Variants in CEP152 observed in about 807,000 individuals in gnomAD.
CEP152 encodes the protein centrosomal protein 152.
CEP152 carries 132 observed loss-of-function variants against 188.9 expected under a neutral mutation model. The observed-to-expected ratio is 0.70, with a 90% CI of 0.61 to 0.81. The LOEUF is 0.81. Among genes scored for constraint, CEP152 ranks in the 30% least tolerant of loss-of-function variants. The pLI, the probability that CEP152 is intolerant of heterozygous loss-of-function variation, is 0.00. For missense variants in CEP152, 1,914 were observed against 1,969.8 expected, an observed-to-expected ratio of 0.97 and a Z score of 0.54; for synonymous variants, 649 against 666.6, an observed-to-expected ratio of 0.97 and a Z score of 0.41.
chr15:48,797,514 T>C lies in CEP152; in HGVS notation c.327A>G (p.Arg109=). The change falls in exon 5 of 27, where the codon AGA becomes AGG. Residue 109 remains arginine, a synonymous_variant. Transcript: ENST00000380950. ...EKCGNVWEEN[R]SKTEDRHPVY... ...CAGGATGTCGGTCTTCAGTTTTACTTCTATTTTCTTCCCAGACATTACCAC... is the reference window on the plus strand; with the variant it reads ...CAGGATGTCGGTCTTCAGTTTTACTCCTATTTTCTTCCCAGACATTACCAC... 1 of 1,614,150 alleles carries C rather than the reference T, an allele frequency of 6.2e-7. No homozygotes were observed. Among genetic ancestry groups the C allele is most frequent in the Middle Eastern group, 1.6e-4 (1 of 6,062 alleles).
At chr15:48,744,793 A>G in intron 23 of CEP152, 103 bp downstream of exon 23, 4 of 1,076,060 alleles carry the variant, frequency 3.7e-6, no homozygotes, top group Non-Finnish European at 5.3e-6. Context: ...CTTCTTTTTT[A>G]TACTTTTTGC....
rs887012257 is a variant in CEP152, at chr15:48,811,028, C to G, written c.-75G>C. 6.6e-6 allele frequency: 1 copy of G among 152,394 alleles called. No homozygotes were observed. Among genetic ancestry groups the G allele is most frequent in the African/African-American group, 2.4e-5 (1 of 41,482 alleles). 9.4% of individuals were successfully genotyped at this position (152,394 alleles called of 1,614,324 possible). Reference sequence around the variant, plus strand: ...GGCGGAAGACCAACTTCTAGCAGATCCCCTTACCCTGGCTCTAGTCCACTA... The same window carrying G: ...GGCGGAAGACCAACTTCTAGCAGATGCCCTTACCCTGGCTCTAGTCCACTA... On this transcript the variant is annotated 5_prime_UTR_variant, in exon 1 of 27. Transcript: ENST00000380950.
At position 48,781,379 on chromosome 15, in the gene CEP152, A is replaced by G. The variant is rs1896231716; in HGVS notation, c.1414-20T>C. On this transcript the variant is annotated intron_variant, in intron 11 of 26. Coordinates refer to ENST00000380950, the MANE Select transcript of CEP152 (RefSeq NM_001194998.2). The stretch of plus-strand genomic sequence containing the variant: ...TTCTTCCTACAACACAAAATTATTA[A>G]AAATAATTTTCACTATTTTCCTATA... 6.4e-7 allele frequency: 1 copy of G among 1,557,908 alleles called. No homozygotes were observed. Among genetic ancestry groups the G allele is most frequent in the South Asian group, 1.1e-5 (1 of 89,136 alleles).
chr15:48,794,893 G>T (rs1897198727), intron 6 of CEP152, among the ~76,000 whole-genome samples: 1 of 152,110 alleles, frequency 6.6e-6, no homozygotes, highest in African/African-American at 2.4e-5. Context: ...TGAATTCTGG[G>T]CCTCCCCCTG....
At chr15:48,805,756 G>A (rs1199980283) in intron 1 of CEP152, 100 bp from the exon 2 acceptor site, 2 of 1,504,234 alleles carry the variant, frequency 1.3e-6, no homozygotes, top group African/African-American at 1.4e-5. Flanking sequence ...TGAAAAGACA[G>A]AAACAGACTG....
chr15:48,765,285 T>C (rs1178624936), intron 17 of CEP152, among the ~76,000 whole-genome samples: 1 of 152,294 alleles, frequency 6.6e-6, no homozygotes. Context: ...CTGACAAAAC[T>C]ATAAACGTGT....
rs200733310 is a variant in CEP152, at chr15:48,756,422, G to T, written c.2826C>A (p.Asn942Lys). 6.2e-6 allele frequency: 10 copies of T among 1,613,372 alleles called. No homozygotes were observed. The African/African-American group carries it at 6.7e-5, about 11-fold the overall frequency. ...HSLQKELELK[N>K]EEVPVVIRAE... ...CCCTGATGACCACAGGGACTTCTTCGTTCTTTAACTCAAGTTCCTTCTGAA... is the reference window on the plus strand; with the variant it reads ...CCCTGATGACCACAGGGACTTCTTCTTTCTTTAACTCAAGTTCCTTCTGAA... The change falls in exon 20 of 27, where the codon AAC becomes AAA. Residue 942 changes from asparagine to lysine, a missense_variant. Asn to Lys is a moderately conservative substitution (Grantham distance 94, BLOSUM62 0). Coordinates refer to ENST00000380950, the MANE Select transcript of CEP152 (RefSeq NM_001194998.2).
intron 15 of CEP152, 63 bp downstream of exon 15, chr15:48,768,156 G>A (rs1895260690): frequency 3.3e-6 from 3 of 920,266 alleles, no homozygotes; most frequent in Admixed American, 1.7e-5. Flanking sequence ...CACAGGGAAG[G>A]GCAGGGACTT....
At chr15:48,781,752 G>A (rs1197742909) in intron 11 of CEP152, among the ~76,000 whole-genome samples, 3 of 152,102 alleles carry the variant, frequency 2.0e-5, no homozygotes, top group Non-Finnish European at 2.9e-5. Flanking sequence ...AGGTAATAAT[G>A]GAACTCTTCT....
intron 11 of CEP152, among the ~76,000 whole-genome samples, chr15:48,781,914 G>A (rs1490379794): frequency 6.6e-6 from 1 of 152,160 alleles, no homozygotes; most frequent in Non-Finnish European, 1.5e-5. Context: ...CTTGAAGGAG[G>A]TGGCAGGCAA....
rs376905337 is a variant in CEP152, at chr15:48,738,926, C to A, written c.4456G>T (p.Gly1486Cys). The change falls in exon 27 of 27, where the codon GGT becomes TGT. Residue 1486 changes from glycine (G) to cysteine (C), a missense_variant. By Grantham distance (159) the Gly-to-Cys change is radical. Transcript: ENST00000380950. Reference sequence around the variant, plus strand: ...GCTGAATGCGGAAGTGATTCAGAACCATTATCACTGAGTAGGTCTTTCTTC... The same window carrying A: ...GCTGAATGCGGAAGTGATTCAGAACAATTATCACTGAGTAGGTCTTTCTTC... ...HKKKDLLSDN[G>C]SESLPHSAAY... 25 of 1,614,130 alleles carry A rather than the reference C, an allele frequency of 1.5e-5. No individual in the cohort carries two copies. The highest frequency in any genetic ancestry group is 5.5e-5 in the South Asian group (5 of 91,070).
Position 48,755,792 on chromosome 15 carries a change from CAT to C in CEP152, c.3345+109_3345+110del, listed in dbSNP as rs748586797. Reference sequence around the variant, plus strand: ...AACTTTTTTAAACCACTGACAAAAACATAAGACTTACATCTACTAAAATTTAA... The same window carrying C: ...AACTTTTTTAAACCACTGACAAAAACAAGACTTACATCTACTAAAATTTAA... On this transcript the variant is annotated intron_variant, in intron 20 of 26. Transcript: ENST00000380950. 2.3e-4 allele frequency: 366 copies of C among 1,559,492 alleles called. 2 individuals carry two copies. The highest frequency in any genetic ancestry group is 3.5e-4 in the South Asian group (29 of 83,012).
At chr15:48,754,457 T>A (rs1894112589) in intron 20 of CEP152, among the ~76,000 whole-genome samples, 1 of 152,202 alleles carries the variant, frequency 6.6e-6, no homozygotes, top group Non-Finnish European at 1.5e-5. Context: ...TTCCCATCAT[T>A]TCTCATCTCC....
At chr15:48,802,320 A>T (rs1897717618) in intron 2 of CEP152, among the ~76,000 whole-genome samples, 1 of 152,192 alleles carries the variant, frequency 6.6e-6, no homozygotes, top group Non-Finnish European at 1.5e-5. Context: ...CAAGTGGTAC[A>T]ATCAGAAAAT....
intron 18 of CEP152, 52 bp from the exon 19 acceptor site, chr15:48,760,318 A>C (rs745693724): frequency 6.2e-7 from 1 of 1,602,062 alleles, no homozygotes; most frequent in Non-Finnish European, 8.5e-7. Context: ...AACTTAAAAA[A>C]GATCCCATTT....
intron 9 of CEP152, among the ~76,000 whole-genome samples, 193 bp downstream of exon 9, chr15:48,788,608 G>A (rs1896814333): frequency 6.6e-6 from 1 of 151,710 alleles, no homozygotes; most frequent in African/African-American, 2.4e-5. Context: ...GCCTCCCAAA[G>A]TACTGGGATT....
chr15:48,779,462 T>A (rs951570397), intron 12 of CEP152, among the ~76,000 whole-genome samples: 2 of 152,242 alleles, frequency 1.3e-5, no homozygotes, highest in Non-Finnish European at 2.9e-5. Context: ...TAAAATCTGA[T>A]CAGTGATATG....
chr15:48,795,384 G>C (rs1430207403), intron 6 of CEP152, among the ~76,000 whole-genome samples: 1 of 152,028 alleles, frequency 6.6e-6, no homozygotes, highest in Non-Finnish European at 1.5e-5. Flanking sequence ...AAAGAAAAAA[G>C]TTGATGATAG....
rs1369188845 is a variant in CEP152 at position 48,760,125 on chromosome 15, G to A, written c.2694+10C>T. 6.2e-7 allele frequency: 1 copy of A among 1,613,846 alleles called. No homozygotes were observed. The highest frequency in any genetic ancestry group is 2.2e-5 in the East Asian group (1 of 44,850). ...AGCCTCCTGAAGTGTCTTTGCAGAA[G>A]AGCTCTTACCCTTTTGTTCACAGAG... On this transcript the variant is annotated intron_variant, in intron 19 of 26. Transcript: ENST00000380950.
Sources: allele counts gnomAD v4.1 joint callset (sites outside exome capture counted in the v4.1 genomes callset), GRCh38; gene constraint gnomAD v4.1.1; transcripts MANE v1.5; gene names NCBI Gene and HGNC (gene_info 2026-07-23, HGNC 2026-07-21).